The following MAP2K4 variants were observed in gnomAD, a reference collection of about 807,000 sequenced individuals.
MAP2K4 encodes the protein mitogen-activated protein kinase kinase 4.
MAP2K4 carries 4 observed loss-of-function variants against 48.5 expected under a neutral mutation model. That is an observed-to-expected ratio of 0.08 (90% CI 0.04 to 0.19). The LOEUF (loss-of-function observed/expected upper bound fraction) is 0.19, where lower values mean the gene tolerates loss of function less well. Among genes scored for constraint, MAP2K4 ranks in the 10% least tolerant of loss-of-function variants. MAP2K4 has a pLI of 1.00. For synonymous variants in MAP2K4, 166 were observed against 173.1 expected (o/e 0.96, Z 0.32); for missense variants, 258 against 493.3 (o/e 0.52, Z 4.52).
At chr17:12,110,597 G>T in intron 6 of MAP2K4, 171 bp downstream of exon 6, 1 of 562,666 alleles carries the variant, frequency 1.8e-6, no homozygotes, top group Admixed American at 3.6e-5. Context: ...TTTTTTCTTT[G>T]GGATTCAATA....
chr17:12,137,162 A>T (rs1973236064), intron 9 of MAP2K4, among the ~76,000 whole-genome samples: 1 of 152,214 alleles, frequency 6.6e-6, no homozygotes, highest in Admixed American at 6.5e-5. Context: ...AGTTCAGTTC[A>T]TAGTGATTAG....
rs149926327 is a variant in MAP2K4 at position 12,132,368 on chromosome 17, T to G, written c.1040+3081T>G. Among the ~76,000 whole-genome samples, 1,127 of 152,340 alleles carry G rather than the reference T, an allele frequency of 7.4e-3. 11 individuals are homozygous for G. The highest frequency in any genetic ancestry group is 0.013 in the Non-Finnish European group (869 of 68,026). ...GAACAGATAATAAATTGTAGCATTA[T>G]GTATACAGCAGTATATAGCATCAGA... On this transcript the variant is annotated intron_variant, in intron 9 of 10. Coordinates refer to ENST00000353533, the MANE Select transcript of MAP2K4 (RefSeq NM_003010.4).
intron 1 of MAP2K4, among the ~76,000 whole-genome samples, chr17:12,027,932 A>G (rs1045734538): frequency 1.3e-5 from 2 of 152,194 alleles, no homozygotes; most frequent in African/African-American, 2.4e-5. Flanking sequence ...GGAAGGTGCC[A>G]TAATCGTTGC....
At position 12,071,166 on chromosome 17, in the gene MAP2K4, C is replaced by G. The variant is rs191752302; in HGVS notation, c.219-10190C>G. ...TTAGTGCCCACCTAATCCAGAATCT[C>G]TTTTTTGAGATCTTTAATTTTATCC... On this transcript the variant is annotated intron_variant, in intron 2 of 10. Transcript: ENST00000353533. Among the ~76,000 whole-genome samples, 187 of 152,276 alleles carry G rather than the reference C, an allele frequency of 1.2e-3. 1 individual carries two copies. Among genetic ancestry groups the G allele is most frequent in the African/African-American group, 4.0e-3 (168 of 41,548 alleles).
intron 1 of MAP2K4, among the ~76,000 whole-genome samples, chr17:12,049,459 T>G (rs1970067539): frequency 6.6e-6 from 1 of 152,252 alleles, no homozygotes; most frequent in Non-Finnish European, 1.5e-5. Context: ...GTAGTTGACT[T>G]GAAAGAGCAA....
chr17:12,080,270 C>T (rs558019694), intron 2 of MAP2K4, among the ~76,000 whole-genome samples: 3 of 152,198 alleles, frequency 2.0e-5, no homozygotes, highest in East Asian at 3.9e-4. Flanking sequence ...TGCTTGTTTG[C>T]ATCATAGGAT....
At chr17:12,055,822 A>G (rs1370607642) in intron 2 of MAP2K4, among the ~76,000 whole-genome samples, 5 of 152,102 alleles carry the variant, frequency 3.3e-5, no homozygotes, top group East Asian at 1.9e-4. Context: ...TAAAACAGCA[A>G]TGTCTAGAAG....
chr17:12,077,757 A>G (rs941626786), intron 2 of MAP2K4, among the ~76,000 whole-genome samples: 1 of 152,198 alleles, frequency 6.6e-6, no homozygotes, highest in Non-Finnish European at 1.5e-5. Flanking sequence ...GGCCTGCAAA[A>G]TACCACATAC....
At chr17:12,117,416 A>C (rs1293888309) in intron 7 of MAP2K4, among the ~76,000 whole-genome samples, 2 of 152,118 alleles carry the variant, frequency 1.3e-5, no homozygotes, top group Non-Finnish European at 2.9e-5. Flanking sequence ...AGGTAAAAAA[A>C]AAAAGACCCT....
intron 1 of MAP2K4, among the ~76,000 whole-genome samples, chr17:12,041,381 A>C (rs1349139813): frequency 6.6e-6 from 1 of 152,234 alleles, no homozygotes; most frequent in Non-Finnish European, 1.5e-5. Context: ...ATTTTAATTT[A>C]AATTTGACTG....
Position 12,110,284 on chromosome 17 carries a change from G to A in MAP2K4, c.634-91G>A, listed in dbSNP as rs544688175. ...TATTAAGCTTAAAATGTATGCAGAGGACTACACGGGATATTACTTGTGATA... is the reference window on the plus strand; with the variant it reads ...TATTAAGCTTAAAATGTATGCAGAGAACTACACGGGATATTACTTGTGATA... On this transcript the variant is annotated intron_variant, in intron 5 of 10. Transcript: ENST00000353533. 6.1e-6 allele frequency: 5 copies of A among 826,384 alleles called. No individual in the cohort carries two copies. In the East Asian group the frequency reaches 1.2e-4, roughly 20 times the overall value. 51.2% of individuals were successfully genotyped at this position (826,384 alleles called of 1,614,324 possible).
chr17:12,058,093 G>A (rs1970337870), intron 2 of MAP2K4, among the ~76,000 whole-genome samples: 1 of 152,050 alleles, frequency 6.6e-6, no homozygotes. Flanking sequence ...TATTACCAAT[G>A]CTAGAATTAG....
intron 2 of MAP2K4, among the ~76,000 whole-genome samples, chr17:12,074,608 G>A (rs1304308450): frequency 2.0e-5 from 3 of 152,130 alleles, no homozygotes; most frequent in Non-Finnish European, 2.9e-5. Context: ...TATTCTTCAG[G>A]CTTGTATAGG....
chr17:12,075,905 T>C (rs1439154725), intron 2 of MAP2K4, among the ~76,000 whole-genome samples: 1 of 152,252 alleles, frequency 6.6e-6, no homozygotes, highest in African/African-American at 2.4e-5. Context: ...CAAAATAATA[T>C]GTACTAAATT....
intron 9 of MAP2K4, among the ~76,000 whole-genome samples, chr17:12,131,016 G>A (rs1973005275): frequency 2.6e-5 from 4 of 151,984 alleles, no homozygotes; most frequent in African/African-American, 9.7e-5. Context: ...AAAATCTTAG[G>A]TTGTATAATG....
At chr17:12,029,632 G>A (rs1969369227) in intron 1 of MAP2K4, among the ~76,000 whole-genome samples, 2 of 151,996 alleles carry the variant, frequency 1.3e-5, no homozygotes, top group Admixed American at 6.6e-5. Context: ...CGGAGACAAG[G>A]GAGACTTCAA....
intron 1 of MAP2K4, among the ~76,000 whole-genome samples, chr17:12,033,982 A>C (rs746822407): frequency 1.1e-4 from 16 of 152,024 alleles, no homozygotes; most frequent in Non-Finnish European, 2.1e-4. Context: ...GTAGAAATGG[A>C]ATCTTGCTAT....
chr17:12,043,303 A>C (rs1969853998), intron 1 of MAP2K4, among the ~76,000 whole-genome samples: 1 of 152,206 alleles, frequency 6.6e-6, no homozygotes, highest in Non-Finnish European at 1.5e-5. Context: ...GAAATAAGGA[A>C]ATTTTTATTT....
intron 9 of MAP2K4, among the ~76,000 whole-genome samples, chr17:12,133,485 A>T (rs893927852): frequency 6.6e-6 from 1 of 152,104 alleles, no homozygotes; most frequent in African/African-American, 2.4e-5. Flanking sequence ...CATTCCTCAG[A>T]TAAGGAATTT....
Sources: gnomAD v4.1 joint callset for allele counts (sites outside exome capture counted in the v4.1 genomes callset) on GRCh38, gnomAD v4.1.1 for gene constraint, MANE v1.5 for transcripts, NCBI Gene and HGNC (gene_info 2026-07-23, HGNC 2026-07-21) for gene names.